Variants in MED13L observed in about 807,000 individuals in gnomAD.
MED13L encodes mediator complex subunit 13L.
A neutral mutation model predicts 220.9 loss-of-function variants in MED13L; 7 were observed. That is an observed-to-expected ratio of 0.03 (90% CI 0.02 to 0.06). The LOEUF is 0.06. Among genes scored for constraint, MED13L ranks in the 10% least tolerant of loss-of-function variants. MED13L has a pLI of 1.00. For missense variants in MED13L, 1,965 were observed against 2,760.5 expected, an observed-to-expected ratio of 0.71 and a Z score of 6.46; for synonymous variants, 1,011 against 1,015.2, an observed-to-expected ratio of 1.00 and a Z score of 0.08.
intron 2 of MED13L, among the ~76,000 whole-genome samples, chr12:116,130,114 C>G (rs1156575181): frequency 6.6e-6 from 1 of 152,118 alleles, no homozygotes; most frequent in Non-Finnish European, 1.5e-5. Context: ...GTTTCTTAAA[C>G]TCACAAAAAA....
chr12:116,049,242 A>G (rs1446805842), intron 4 of MED13L, among the ~76,000 whole-genome samples: 1 of 152,206 alleles, frequency 6.6e-6, no homozygotes, highest in Non-Finnish European at 1.5e-5. Flanking sequence ...TCAGTTTTGA[A>G]GTCAGGCTTA....
chr12:116,213,023 C>G (rs929562262), intron 2 of MED13L, among the ~76,000 whole-genome samples: 1 of 152,176 alleles, frequency 6.6e-6, no homozygotes, highest in Non-Finnish European at 1.5e-5. Flanking sequence ...ATTACAGTCT[C>G]AATACTAGCA....
intron 29 of MED13L, among the ~76,000 whole-genome samples, 156 bp from the exon 30 acceptor site, chr12:115,963,675 A>G (rs1363378642): frequency 1.3e-5 from 2 of 152,160 alleles, no homozygotes; most frequent in Admixed American, 1.3e-4. Context: ...GTAACCCCCA[A>G]GGTAATCCCA....
intron 2 of MED13L, among the ~76,000 whole-genome samples, chr12:116,147,601 T>C (rs1230741812): frequency 6.6e-6 from 1 of 152,176 alleles, no homozygotes; most frequent in Non-Finnish European, 1.5e-5. Flanking sequence ...GGTCATCTTG[T>C]ATTAACGACT....
At chr12:116,065,644 T>A (rs1471206499) in intron 4 of MED13L, among the ~76,000 whole-genome samples, 1 of 152,204 alleles carries the variant, frequency 6.6e-6, no homozygotes, top group East Asian at 1.9e-4. Flanking sequence ...TCTAACTGCA[T>A]TCTGGCAGCA....
intron 2 of MED13L, among the ~76,000 whole-genome samples, chr12:116,193,289 C>A (rs1182778814): frequency 3.9e-5 from 6 of 152,128 alleles, no homozygotes; most frequent in African/African-American, 1.4e-4. Flanking sequence ...ACAGCTTGGA[C>A]AACAAAGCAA....
chr12:116,163,615 G>A (rs554030999), intron 2 of MED13L, among the ~76,000 whole-genome samples: 35 of 152,048 alleles, frequency 2.3e-4, no homozygotes, highest in African/African-American at 7.7e-4. Context: ...CACCTGCCTC[G>A]GCCTCCCAAA....
intron 4 of MED13L, among the ~76,000 whole-genome samples, chr12:116,067,681 A>G (rs1870052395): frequency 6.6e-6 from 1 of 152,220 alleles, no homozygotes; most frequent in Non-Finnish European, 1.5e-5. Flanking sequence ...TGAAAGGCAC[A>G]GATTTTAGAG....
chr12:116,179,233 G>T (rs1379478402), intron 2 of MED13L, among the ~76,000 whole-genome samples: 1 of 148,850 alleles, frequency 6.7e-6, no homozygotes, highest in African/African-American at 2.5e-5. Flanking sequence ...GTGTGTGTGT[G>T]TGTACACAAT....
At chr12:115,980,725 A>AATTTTACTAAATAT (rs774374636) in intron 23 of MED13L, 25 bp downstream of exon 23, 5 of 1,612,530 alleles carry the variant, frequency 3.1e-6, no homozygotes, top group Non-Finnish European at 4.2e-6. Flanking sequence ...TAAATTTTCT[A>AATTTTACTAAATAT]AGTTTCTGTC....
chr12:115,983,032 T>A (rs1270793089), intron 21 of MED13L, 85 bp downstream of exon 21: 1 of 1,421,756 alleles, frequency 7.0e-7, no homozygotes, highest in African/African-American at 1.4e-5. Flanking sequence ...CACAGAATCA[T>A]GAGGTCAAGG....
At chr12:116,091,360 A>G (rs551506698) in intron 4 of MED13L, among the ~76,000 whole-genome samples, 1 of 152,252 alleles carries the variant, frequency 6.6e-6, no homozygotes, top group South Asian at 2.1e-4. Context: ...ACTTCTTTTA[A>G]GTTATTAAGA....
chr12:116,015,221 C>T lies in MED13L; in HGVS notation c.1063G>A (p.Gly355Arg). The T allele has an allele frequency of 6.2e-7, 1 of 1,613,960 alleles. No homozygotes were observed. The highest frequency in any genetic ancestry group is 8.5e-7 in the Non-Finnish European group (1 of 1,179,890). ...AASHLVSQDG[G>R]MITMHSPKRS... The stretch of plus-strand genomic sequence containing the variant: ...TTTGGACTGTGCATCGTTATCATCC[C>T]TCCATCTTGGGAAACCAGGTGACTG... The change falls in exon 8 of 31, where the codon GGG becomes AGG. Residue 355 changes from glycine (G) to arginine (R), a missense_variant. Gly to Arg is a moderately radical substitution (Grantham distance 125). This residue lies in a region of MED13L where 818 missense variants were observed against 1,041.2 expected (regional missense o/e 0.79). Coordinates refer to ENST00000281928, the MANE Select transcript of MED13L (RefSeq NM_015335.5).
chr12:116,136,089 G>A (rs971585775), intron 2 of MED13L, among the ~76,000 whole-genome samples: 1 of 152,076 alleles, frequency 6.6e-6, no homozygotes, highest in African/African-American at 2.4e-5. Context: ...TTTTAGTAGA[G>A]ATGGAGTTTC....
At chr12:116,090,385 C>A (rs1346856491) in intron 4 of MED13L, among the ~76,000 whole-genome samples, 1 of 152,174 alleles carries the variant, frequency 6.6e-6, no homozygotes, top group East Asian at 1.9e-4. Context: ...CAAACATGTT[C>A]TTTTAAAATT....
intron 2 of MED13L, among the ~76,000 whole-genome samples, chr12:116,116,243 C>A (rs1365684166): frequency 6.6e-6 from 1 of 152,080 alleles, no homozygotes; most frequent in African/African-American, 2.4e-5. Context: ...TTCCCCAACC[C>A]CCACCCTGAC....
intron 1 of MED13L, among the ~76,000 whole-genome samples, chr12:116,258,724 C>T (rs1242516213): frequency 1.4e-5 from 2 of 145,476 alleles, no homozygotes; most frequent in Admixed American, 7.2e-5. Context: ...TTGCACTGAG[C>T]GAGATTACAC....
intron 4 of MED13L, among the ~76,000 whole-genome samples, chr12:116,079,404 A>C (rs1174521261): frequency 6.6e-6 from 1 of 151,776 alleles, no homozygotes; most frequent in Non-Finnish European, 1.5e-5. Flanking sequence ...TTTTGCAGAG[A>C]TGGGGGAGGG....
chr12:116,052,752 C>T (rs1868616329), intron 4 of MED13L, among the ~76,000 whole-genome samples: 1 of 152,114 alleles, frequency 6.6e-6, no homozygotes, highest in African/African-American at 2.4e-5. Flanking sequence ...TGAGACAGAC[C>T]CAGAGACTGG....
Sources: allele counts gnomAD v4.1 joint callset (sites outside exome capture counted in the v4.1 genomes callset), GRCh38; gene constraint gnomAD v4.1.1; regional missense constraint gnomAD v4.1.1; transcripts MANE v1.5; gene names NCBI Gene and HGNC (gene_info 2026-07-23, HGNC 2026-07-21).